Variants in BMPR1B observed in about 807,000 individuals in gnomAD.
BMPR1B encodes the protein bone morphogenetic protein receptor type-1B.
A neutral mutation model predicts 59.1 loss-of-function variants in BMPR1B; 12 were observed. The ratio of observed to expected loss-of-function variants is 0.20; its 90% CI spans 0.13 to 0.33. BMPR1B has a LOEUF of 0.33. Ranked by LOEUF, BMPR1B falls within the 10% of genes least tolerant of loss-of-function variation. BMPR1B has a pLI of 1.00. For synonymous variants in BMPR1B, 237 were observed against 207.3 expected (o/e 1.14, Z -1.23); for missense variants, 550 against 610.9 (o/e 0.90, Z 1.05).
At chr4:94,815,736 A>T (rs1268570443) in intron 1 of BMPR1B, among the ~76,000 whole-genome samples, 1 of 152,188 alleles carries the variant, frequency 6.6e-6, no homozygotes, top group African/African-American at 2.4e-5. Flanking sequence ...TGTGATTTAT[A>T]CCATAGCCTA....
chr4:94,983,772 AG>A (rs1359031978), intron 2 of BMPR1B, among the ~76,000 whole-genome samples: 42 of 152,348 alleles, frequency 2.8e-4, no homozygotes, highest in Admixed American at 1.2e-3. Flanking sequence ...CTCAGTCTCC[AG>A]GAAGCTTTAT....
At chr4:95,135,813 G>A (rs371229619) in intron 10 of BMPR1B, among the ~76,000 whole-genome samples, 1 of 152,144 alleles carries the variant, frequency 6.6e-6, no homozygotes, top group African/African-American at 2.4e-5. Flanking sequence ...TGCAAACAGG[G>A]ACAATTTAAC....
At chr4:95,084,503 G>T (rs181624891) in intron 3 of BMPR1B, among the ~76,000 whole-genome samples, 160 of 152,210 alleles carry the variant, frequency 1.1e-3, no homozygotes, top group African/African-American at 2.9e-3. Context: ...TTTGTTTTAG[G>T]TAAAGGTAGA....
chr4:94,841,712 C>T (rs997622800), intron 1 of BMPR1B, among the ~76,000 whole-genome samples: 1 of 152,160 alleles, frequency 6.6e-6, no homozygotes, highest in Non-Finnish European at 1.5e-5. Context: ...CAGAAATCAC[C>T]CGTCTTCTGC....
chr4:95,148,662 A>T (rs1285400511), intron 10 of BMPR1B, 86 bp from the exon 11 acceptor site: 2 of 1,391,038 alleles, frequency 1.4e-6, no homozygotes, highest in Non-Finnish European at 2.0e-6. Flanking sequence ...CTTTTCACTA[A>T]CTAAAGCCAT....
intron 7 of BMPR1B, 49 bp from the exon 8 acceptor site, chr4:95,124,934 C>T: frequency 6.5e-7 from 1 of 1,545,482 alleles, no homozygotes; most frequent in African/African-American, 1.4e-5. Flanking sequence ...TATTTTACTC[C>T]ATCATTGCAT....
chr4:95,116,421 G>GCGCACACA, intron 6 of BMPR1B, among the ~76,000 whole-genome samples: 1,347 of 123,230 alleles, frequency 0.011, 18 homozygotes, highest in African/African-American at 0.024. Flanking sequence ...TTCAGCGCGC[G>GCGCACACA]CACACACACA....
intron 2 of BMPR1B, among the ~76,000 whole-genome samples, chr4:94,902,046 G>GGTGTGTGTGT (rs34068392): frequency 0.011 from 1,323 of 119,222 alleles, 11 homozygotes; most frequent in African/African-American, 0.025. Flanking sequence ...CAGACTGCAT[G>GGTGTGTGTGT]GTGTGTGTGT....
chr4:94,965,417 T>A (rs1730517730), intron 2 of BMPR1B, among the ~76,000 whole-genome samples: 1 of 152,122 alleles, frequency 6.6e-6, no homozygotes, highest in African/African-American at 2.4e-5. Context: ...TGGCATTTCT[T>A]ATAACTGGAG....
chr4:94,915,249 C>A (rs1728437263), intron 2 of BMPR1B, among the ~76,000 whole-genome samples: 1 of 152,100 alleles, frequency 6.6e-6, no homozygotes, highest in African/African-American at 2.4e-5. Context: ...TTTCTAGCTG[C>A]CCTTACATTT....
At chr4:95,009,093 C>T (rs891777330) in intron 3 of BMPR1B, among the ~76,000 whole-genome samples, 6 of 152,126 alleles carry the variant, frequency 3.9e-5, no homozygotes, top group African/African-American at 1.4e-4. Flanking sequence ...CATTTCATTT[C>T]ATACCTACCA....
intron 2 of BMPR1B, among the ~76,000 whole-genome samples, chr4:94,904,103 A>G (rs1727937780): frequency 6.6e-6 from 1 of 152,050 alleles, no homozygotes; most frequent in Admixed American, 6.6e-5. Flanking sequence ...AAGTTAAAAA[A>G]TTTCAAATGT....
intron 1 of BMPR1B, among the ~76,000 whole-genome samples, chr4:94,868,244 C>T (rs1578740404): frequency 6.6e-6 from 1 of 151,484 alleles, no homozygotes. Flanking sequence ...TCTTAGTTCA[C>T]CTCTACCTCT....
chr4:94,979,721 A>T (rs1192865628), intron 2 of BMPR1B, among the ~76,000 whole-genome samples: 1 of 152,224 alleles, frequency 6.6e-6, no homozygotes, highest in Admixed American at 6.5e-5. Flanking sequence ...CTTCATAAAA[A>T]TGAATAGTGA....
chr4:94,788,234 T>A (rs2110597367), intron 1 of BMPR1B, among the ~76,000 whole-genome samples: 1 of 152,184 alleles, frequency 6.6e-6, no homozygotes, highest in African/African-American at 2.4e-5. Flanking sequence ...GCGACCACAA[T>A]ATATTCACTT....
At chr4:94,867,905 G>A (rs1402150980) in intron 1 of BMPR1B, among the ~76,000 whole-genome samples, 1 of 152,058 alleles carries the variant, frequency 6.6e-6, no homozygotes, top group Non-Finnish European at 1.5e-5. Flanking sequence ...AGGCTGGAAT[G>A]CAGTGGTGCA....
chr4:95,094,871 A>G (rs1197938318), intron 3 of BMPR1B, among the ~76,000 whole-genome samples: 3 of 151,916 alleles, frequency 2.0e-5, no homozygotes, highest in African/African-American at 7.3e-5. Context: ...GTTGAAGGAG[A>G]AAGATTCCTG....
chr4:95,133,002 G>A (rs537463168), intron 10 of BMPR1B, among the ~76,000 whole-genome samples: 1 of 151,914 alleles, frequency 6.6e-6, no homozygotes, highest in South Asian at 2.1e-4. Context: ...CATATTTTCC[G>A]ACTGCTAGAT....
chr4:95,123,786 G>A (rs2149290737), intron 6 of BMPR1B, 24 bp from the exon 7 acceptor site: 1 of 1,507,980 alleles, frequency 6.6e-7, no homozygotes, highest in Admixed American at 1.7e-5. Flanking sequence ...TCTTGATTAT[G>A]GCTCTTTTTC....
Sources: gnomAD v4.1 joint callset for allele counts (sites outside exome capture counted in the v4.1 genomes callset) on GRCh38, gnomAD v4.1.1 for gene constraint, MANE v1.5 for transcripts, NCBI Gene and HGNC (gene_info 2026-07-23, HGNC 2026-07-21) for gene names.